The following EPS8 variants were observed in gnomAD, a reference collection of about 807,000 sequenced individuals.
The protein encoded by EPS8 is EGFR pathway substrate 8, signaling adaptor.
Under a neutral mutation model 103.8 loss-of-function variants are expected in EPS8, and 42 were observed. The ratio of observed to expected loss-of-function variants is 0.40; its 90% CI spans 0.32 to 0.52. EPS8 has a LOEUF of 0.52. Among genes scored for constraint, EPS8 ranks in the 20% least tolerant of loss-of-function variants. EPS8 has a pLI of 0.40. For synonymous variants in EPS8, 344 were observed against 344.6 expected, an observed-to-expected ratio of 1.00 and a Z score of 0.02; for missense variants, 969 against 1,005.1, an observed-to-expected ratio of 0.96 and a Z score of 0.49.
rs1307337525 is a variant in EPS8, at chr12:15,733,711, C to T, written c.-21-50739G>A. On this transcript the variant is annotated intron_variant, in intron 1 of 20. Transcript: ENST00000281172. This position sits in a 1 kb window ranked among gnomAD's most constrained non-coding sequence, Gnocchi z 4.8. ...AACTAATGGAGATAGAAGAAATATC[C>T]ATTCCATTTTACTAAGCATCATACC... Among the ~76,000 whole-genome samples, 1 of 151,984 alleles carries T rather than the reference C, an allele frequency of 6.6e-6. No individual in the cohort carries two copies. Among genetic ancestry groups the T allele is most frequent in the Non-Finnish European group, 1.5e-5 (1 of 67,976 alleles).
chr12:15,662,220 G>T, intron 8 of EPS8, 121 bp from the exon 9 acceptor site: 1 of 1,526,890 alleles, frequency 6.5e-7, no homozygotes, highest in Non-Finnish European at 8.8e-7. Context: ...ACCTCCACTG[G>T]ATACACAAGT....
rs1039381062 is a variant in EPS8 at position 15,717,851 on chromosome 12, T to C, written c.-21-34879A>G. Among the ~76,000 whole-genome samples, 1 of 152,208 alleles carries C rather than the reference T, an allele frequency of 6.6e-6. No homozygotes were observed. The highest frequency in any genetic ancestry group is 1.5e-5 in the Non-Finnish European group (1 of 68,032). The stretch of plus-strand genomic sequence containing the variant: ...GCCTTAAATTGGCAATGTTTAGGAA[T>C]GCATTAAGGGAAACACCACACAAAC... On this transcript the variant is annotated intron_variant, in intron 1 of 20. Transcript: ENST00000281172. This position sits in a 1 kb window ranked among gnomAD's most constrained non-coding sequence, Gnocchi z 4.3.
rs139395318 is a variant in EPS8 at position 15,779,166 on chromosome 12, C to T, written c.-22+9995G>A. Among the ~76,000 whole-genome samples the T allele has an allele frequency of 1.4e-3, 209 of 152,172 alleles. No homozygotes were observed. Among genetic ancestry groups the T allele is most frequent in the African/African-American group, 4.3e-3 (177 of 41,524 alleles). On this transcript the variant is annotated intron_variant, in intron 1 of 20. Transcript: ENST00000281172. This position sits in a 1 kb window ranked among gnomAD's most constrained non-coding sequence, Gnocchi z 4.3. ...GCTAATTTTGTATTTTTAGTAGAGA[C>T]AGGGCGTCTCTATGTTTGTCAGGCT...
At position 15,685,922 on chromosome 12, in the gene EPS8, G is replaced by GT. The variant is rs572512785; in HGVS notation, c.-21-2951dup. 4.6e-5 allele frequency among the ~76,000 whole-genome samples: 7 copies of GT among 152,134 alleles called. No homozygotes were observed. The South Asian group carries it at 6.2e-4, about 14-fold the overall frequency. Reference sequence around the variant, plus strand: ...CAACCTAAAAACTAAAGAGACAAAGGTTTTTTTAATCGCTTTTAAGTTTAA... The same window carrying GT: ...CAACCTAAAAACTAAAGAGACAAAGGTTTTTTTTAATCGCTTTTAAGTTTAA... On this transcript the variant is annotated intron_variant, in intron 1 of 20. Coordinates refer to ENST00000281172, the MANE Select transcript of EPS8 (RefSeq NM_004447.6).
rs1946942510 is a variant in EPS8, at chr12:15,752,421, T to C, written c.-22+36740A>G. The stretch of plus-strand genomic sequence containing the variant: ...GAGATCATGCCACTGCACCCTAGCC[T>C]GGGCGACAGAGCAAGACTCCATCTC... On this transcript the variant is annotated intron_variant, in intron 1 of 20. Transcript: ENST00000281172. The surrounding 1 kb of genome is among the most constrained non-coding windows in gnomAD (Gnocchi z 4.4). Among the ~76,000 whole-genome samples the C allele has an allele frequency of 6.6e-6, 1 of 151,434 alleles. No homozygotes were observed.
intron 1 of EPS8, among the ~76,000 whole-genome samples, chr12:15,788,951 G>A (rs1947339250): frequency 6.6e-6 from 1 of 152,120 alleles, no homozygotes; most frequent in South Asian, 2.1e-4. Context: ...GGGCCCCACA[G>A]CTTGCCCGGA....
rs1007970196 is a variant in EPS8 at position 15,696,279 on chromosome 12, G to C, written c.-21-13307C>G. On this transcript the variant is annotated intron_variant, in intron 1 of 20. Transcript: ENST00000281172. The surrounding 1 kb of genome is among the most constrained non-coding windows in gnomAD (Gnocchi z 4.8). The stretch of plus-strand genomic sequence containing the variant: ...CATAAGCAAAATAAAAGACAGTAGG[G>C]ATGAAGAAACACAAAAATAAAACAG... Among the ~76,000 whole-genome samples, 3 of 152,052 alleles carry C rather than the reference G, an allele frequency of 2.0e-5. No homozygotes were observed. The highest frequency in any genetic ancestry group is 7.2e-5 in the African/African-American group (3 of 41,398).
At position 15,766,632 on chromosome 12, in the gene EPS8, C is replaced by T. The variant is rs576042804; in HGVS notation, c.-22+22529G>A. Among the ~76,000 whole-genome samples the T allele has an allele frequency of 6.0e-5, 9 of 150,270 alleles. No individual in the cohort carries two copies. The East Asian group carries it at 9.8e-4, about 16-fold the overall frequency. On this transcript the variant is annotated intron_variant, in intron 1 of 20. Transcript: ENST00000281172. The stretch of plus-strand genomic sequence containing the variant: ...GGCAGAGGTTGCAGTGAGCAGAGAT[C>T]GTGCCATTGCACTCCAGCCTGGGCA...
rs190094713 is a variant in EPS8 at position 15,727,669 on chromosome 12, C to G, written c.-21-44697G>C. ...GGTCAGGAGTTCGAGACCAGCCTGACCAACACGGTGAAACCCCGTCTCTAC... is the reference window on the plus strand; with the variant it reads ...GGTCAGGAGTTCGAGACCAGCCTGAGCAACACGGTGAAACCCCGTCTCTAC... On this transcript the variant is annotated intron_variant, in intron 1 of 20. Transcript: ENST00000281172. The surrounding 1 kb of genome is among the most constrained non-coding windows in gnomAD (Gnocchi z 4.3). Among the ~76,000 whole-genome samples the G allele has an allele frequency of 6.6e-6, 1 of 152,092 alleles. No homozygotes were observed. The highest frequency in any genetic ancestry group is 2.4e-5 in the African/African-American group (1 of 41,420).
chr12:15,700,581 C>T lies in EPS8; in HGVS notation c.-21-17609G>A, dbSNP rs1265684407. Among the ~76,000 whole-genome samples the T allele has an allele frequency of 6.7e-6, 1 of 150,234 alleles. No individual in the cohort carries two copies. The highest frequency in any genetic ancestry group is 1.5e-5 in the Non-Finnish European group (1 of 68,024). On this transcript the variant is annotated intron_variant, in intron 1 of 20. Transcript: ENST00000281172. This position sits in a 1 kb window ranked among gnomAD's most constrained non-coding sequence, Gnocchi z 5.1. ...AGAAATTTATTCCACAGAATTTCTA[C>T]AGTCACAATTAGATAAAAGAGCCTC...
At chr12:15,750,707 T>G (rs1404517079) in intron 1 of EPS8, among the ~76,000 whole-genome samples, 1 of 152,186 alleles carries the variant, frequency 6.6e-6, no homozygotes, top group African/African-American at 2.4e-5. Context: ...GCTGAGTACT[T>G]GAAACCATAG....
Position 15,778,594 on chromosome 12 carries a change from A to G in EPS8, c.-22+10567T>C, listed in dbSNP as rs1358008266. Among the ~76,000 whole-genome samples, 1 of 152,224 alleles carries G rather than the reference A, an allele frequency of 6.6e-6. No homozygotes were observed. The highest frequency in any genetic ancestry group is 1.5e-5 in the Non-Finnish European group (1 of 68,034). On this transcript the variant is annotated intron_variant, in intron 1 of 20. Transcript: ENST00000281172. The surrounding 1 kb of genome is among the most constrained non-coding windows in gnomAD (Gnocchi z 4.5). ...ACACTAAAACAGTAAGGACAACTCA[A>G]TCTGAAGATAGGGTTTCAAAAATTC... is the stretch of plus-strand genomic sequence containing the variant.
At position 15,779,754 on chromosome 12, in the gene EPS8, C is replaced by T. The variant is rs897465892; in HGVS notation, c.-22+9407G>A. ...TTTTTTCTTTCTCTTTTTCTTCTCCCCTTATATTAAAAACACAATTTTTCA... is the reference window on the plus strand; with the variant it reads ...TTTTTTCTTTCTCTTTTTCTTCTCCTCTTATATTAAAAACACAATTTTTCA... On this transcript the variant is annotated intron_variant, in intron 1 of 20. Coordinates refer to ENST00000281172, the MANE Select transcript of EPS8 (RefSeq NM_004447.6). The surrounding 1 kb of genome is among the most constrained non-coding windows in gnomAD (Gnocchi z 4.3). Among the ~76,000 whole-genome samples, 1 of 152,090 alleles carries T rather than the reference C, an allele frequency of 6.6e-6. No homozygotes were observed. The highest frequency in any genetic ancestry group is 2.1e-4 in the South Asian group (1 of 4,808).
In EPS8 at chr12:15,620,750, T is replaced by A. The variant is rs1331953028; in HGVS notation, c.*567A>T. On this transcript the variant is annotated 3_prime_UTR_variant, in exon 21 of 21. Coordinates refer to ENST00000281172, the MANE Select transcript of EPS8 (RefSeq NM_004447.6). ...AATGCTCCATAGATTTATATTTGCA[T>A]GTCCAAGGTATGGCTGTACTTTACA... The A allele has an allele frequency of 6.6e-6, 1 of 152,492 alleles. No homozygotes were observed. Among genetic ancestry groups the A allele is most frequent in the Non-Finnish European group, 1.5e-5 (1 of 68,080 alleles). 9.4% of individuals were successfully genotyped at this position (152,492 alleles called of 1,614,324 possible). A position where few individuals can be genotyped will look rare whatever the true frequency, so the allele number is the denominator to read the frequency against.
rs1946234952 is a variant in EPS8, at chr12:15,695,783, T to C, written c.-21-12811A>G. On this transcript the variant is annotated intron_variant, in intron 1 of 20. Transcript: ENST00000281172. The surrounding 1 kb of genome is among the most constrained non-coding windows in gnomAD (Gnocchi z 5.0). ...TGAGGTCAGGAGTTTGAGACCAGCC[T>C]GGCCAAAATGGCGAAACCCCATCTC... 1.3e-5 allele frequency among the ~76,000 whole-genome samples: 2 copies of C among 152,248 alleles called. No individual in the cohort carries two copies. Among genetic ancestry groups the C allele is most frequent in the South Asian group, 4.1e-4 (2 of 4,822 alleles).
chr12:15,777,811 T>A lies in EPS8; in HGVS notation c.-22+11350A>T, dbSNP rs561331487. On this transcript the variant is annotated intron_variant, in intron 1 of 20. Transcript: ENST00000281172. This position sits in a 1 kb window ranked among gnomAD's most constrained non-coding sequence, Gnocchi z 4.7. The stretch of plus-strand genomic sequence containing the variant: ...AGGGGGTGATGAAGGAAAGCCCACA[T>A]GGTTATTTATCTGCTTCAAGAGTTG... Among the ~76,000 whole-genome samples, 58 of 152,300 alleles carry A rather than the reference T, an allele frequency of 3.8e-4. 1 individual carries two copies. Among genetic ancestry groups the A allele is most frequent in the African/African-American group, 1.4e-3 (57 of 41,580 alleles).
In EPS8 at chr12:15,762,312, G is replaced by A. The variant is rs892354334; in HGVS notation, c.-22+26849C>T. ...AATGCCGACAAGGATGTAGAGAAAA[G>A]GGAACCCTCATACACTGTTGGTGGC... On this transcript the variant is annotated intron_variant, in intron 1 of 20. Coordinates refer to ENST00000281172, the MANE Select transcript of EPS8 (RefSeq NM_004447.6). The surrounding 1 kb of genome is among the most constrained non-coding windows in gnomAD (Gnocchi z 4.8). Among the ~76,000 whole-genome samples, 1 of 152,166 alleles carries A rather than the reference G, an allele frequency of 6.6e-6. No homozygotes were observed. The highest frequency in any genetic ancestry group is 1.5e-5 in the Non-Finnish European group (1 of 68,022).
rs1947229231 is a variant in EPS8 at position 15,778,479 on chromosome 12, C to CA, written c.-22+10681dup. ...TCTCGACTAAAAGGATCTTGATGTGCAAAAAACAAAACAAAAACACTGTAG... is the reference window on the plus strand; with the variant it reads ...TCTCGACTAAAAGGATCTTGATGTGCAAAAAAACAAAACAAAAACACTGTAG... On this transcript the variant is annotated intron_variant, in intron 1 of 20. Transcript: ENST00000281172. The surrounding 1 kb of genome is among the most constrained non-coding windows in gnomAD (Gnocchi z 4.5). Among the ~76,000 whole-genome samples the CA allele has an allele frequency of 1.3e-5, 2 of 151,982 alleles. No homozygotes were observed. Among genetic ancestry groups the CA allele is most frequent in the East Asian group, 1.9e-4 (1 of 5,196 alleles).
rs573994105 is a variant in EPS8, at chr12:15,757,545, G to A, written c.-22+31616C>T. On this transcript the variant is annotated intron_variant, in intron 1 of 20. Transcript: ENST00000281172. This position sits in a 1 kb window ranked among gnomAD's most constrained non-coding sequence, Gnocchi z 4.1. ...CTCAGGAGGCTGAGGCAGGAGAATCGCTTGAACCCAGGAGCCAGAAGTTGC... is the reference window on the plus strand; with the variant it reads ...CTCAGGAGGCTGAGGCAGGAGAATCACTTGAACCCAGGAGCCAGAAGTTGC... 6.6e-6 allele frequency among the ~76,000 whole-genome samples: 1 copy of A among 152,108 alleles called. No homozygotes were observed. The highest frequency in any genetic ancestry group is 6.5e-5 in the Admixed American group (1 of 15,290).
Sources: allele counts gnomAD v4.1 joint callset (sites outside exome capture counted in the v4.1 genomes callset), GRCh38; gene constraint gnomAD v4.1.1; non-coding constraint Gnocchi (gnomAD v3.1); transcripts MANE v1.5; gene names NCBI Gene and HGNC (gene_info 2026-07-23, HGNC 2026-07-21).